The following ZNF33B variants were observed in gnomAD, a reference collection of about 807,000 sequenced individuals.
ZNF33B encodes the protein zinc finger protein 33B, also known as zinc finger protein 11b (KOX 2).
Under a neutral mutation model 45.8 loss-of-function variants are expected in ZNF33B, and 29 were observed. The ratio of observed to expected loss-of-function variants is 0.63; its 90% CI spans 0.47 to 0.86. The LOEUF (loss-of-function observed/expected upper bound fraction) is 0.86. ZNF33B is among the 40% of genes least tolerant of loss of function. ZNF33B has a pLI of 0.00. For missense variants in ZNF33B, 831 were observed against 909.9 expected (o/e 0.91, Z 1.12); for synonymous variants, 305 against 307.8 (o/e 0.99, Z 0.10).
rs569352397 is a variant in ZNF33B, at chr10:42,577,549, G to C, written c.74-2871C>G. Reference sequence around the variant, plus strand: ...TCTCTAACCCTTCACTTCAGAAAAAGCCCCAAGGCTTCTGATTCTCCAGTA... The same window carrying C: ...TCTCTAACCCTTCACTTCAGAAAAACCCCCAAGGCTTCTGATTCTCCAGTA... On this transcript the variant is annotated intron_variant, in intron 1 of 1. Transcript: ENST00000462075. Among the ~76,000 whole-genome samples, 125 of 152,218 alleles carry C rather than the reference G, an allele frequency of 8.2e-4. 1 individual carries two copies. In the Middle Eastern group the frequency reaches 0.024, roughly 29 times the overall value.
rs117859830 is a variant in ZNF33B, at chr10:42,607,606, C to T, written c.251-12907G>A. Among the ~76,000 whole-genome samples, 72 of 151,944 alleles carry T rather than the reference C, an allele frequency of 4.7e-4. No homozygotes were observed. The East Asian group carries it at 0.013, about 27-fold the overall frequency. On this transcript the variant is annotated intron_variant, in intron 4 of 4. Transcript: ENST00000359467. ...ATAGAGTATCAAAAAAGCACGAGAC[C>T]GAAAACAAAAATGGCAGAGGTAAAT...
At chr10:42,617,088 TTCTC>T (rs1838356294) in intron 4 of ZNF33B, among the ~76,000 whole-genome samples, 1 of 145,072 alleles carries the variant, frequency 6.9e-6, no homozygotes, top group African/African-American at 2.5e-5. Flanking sequence ...TGTTCATTTT[TTCTC>T]TTTTTTTTTT....
intron 1 of ZNF33B, among the ~76,000 whole-genome samples, chr10:42,576,065 A>G (rs523426): frequency 6.6e-6 from 1 of 151,022 alleles, no homozygotes; most frequent in African/African-American, 2.4e-5. Flanking sequence ...TAATTTTTGT[A>G]TTTTTAGTAG....
intron 1 of ZNF33B, among the ~76,000 whole-genome samples, chr10:42,638,112 C>T (rs1839414861): frequency 1.3e-5 from 2 of 152,344 alleles, no homozygotes; most frequent in South Asian, 4.1e-4. Flanking sequence ...GTCGGGCGGG[C>T]GACTGCACCC....
At chr10:42,584,456 G>T (rs1482774835), downstream of ZNF33B, among the ~76,000 whole-genome samples, 1 of 151,980 alleles carries the variant, frequency 6.6e-6, no homozygotes, top group African/African-American at 2.4e-5. Context: ...GCTCCACAAC[G>T]TGCTCACATG....
At chr10:42,598,815 T>C (rs965805891) in intron 4 of ZNF33B, among the ~76,000 whole-genome samples, 3 of 152,210 alleles carry the variant, frequency 2.0e-5, no homozygotes, top group African/African-American at 7.2e-5. Context: ...GTTTTTGAAT[T>C]TATGTTCATG....
intron 4 of ZNF33B, chr10:42,631,687 A>G: frequency 2.4e-6 from 1 of 416,852 alleles, no homozygotes; most frequent in Non-Finnish European, 4.3e-6. Flanking sequence ...AGGTGGGCAA[A>G]GACTGAACTA....
At chr10:42,609,969 A>G (rs1406272074) in intron 4 of ZNF33B, among the ~76,000 whole-genome samples, 2 of 152,220 alleles carry the variant, frequency 1.3e-5, no homozygotes, top group East Asian at 1.9e-4. Context: ...AAATAATGAA[A>G]GGTACAATGA....
intron 2 of ZNF33B, among the ~76,000 whole-genome samples, chr10:42,636,062 G>T (rs1839287717): frequency 6.6e-6 from 1 of 152,084 alleles, no homozygotes; most frequent in Non-Finnish European, 1.5e-5. Flanking sequence ...CCAGGAGGCA[G>T]AAGTTTCAGT....
At chr10:42,583,165 T>C in intron 1 of ZNF33B, 1 of 783,734 alleles carries the variant, frequency 1.3e-6, no homozygotes, top group Non-Finnish European at 2.3e-6. Flanking sequence ...TTTGAAAATG[T>C]CTGTCTTAGG....
chr10:42,578,300 A>G (rs960480474), intron 1 of ZNF33B, among the ~76,000 whole-genome samples: 1 of 152,216 alleles, frequency 6.6e-6, no homozygotes, highest in Non-Finnish European at 1.5e-5. Flanking sequence ...GAGGGTGGAT[A>G]AGAGGCCTGC....
intron 1 of ZNF33B, chr10:42,574,770 AG>A (rs1205598171): frequency 7.2e-5 from 11 of 152,268 alleles, no homozygotes; most frequent in African/African-American, 2.6e-4. Flanking sequence ...GGAACCTAGA[AG>A]GGGTACAGTG....
chr10:42,623,364 G>T (rs1838674321), intron 4 of ZNF33B, among the ~76,000 whole-genome samples: 1 of 152,132 alleles, frequency 6.6e-6, no homozygotes, highest in South Asian at 2.1e-4. Flanking sequence ...CTACTCCTAG[G>T]TTTATATCCA....
At chr10:42,583,098 G>A (rs777666176) in intron 1 of ZNF33B, 8 of 798,778 alleles carry the variant, frequency 1.0e-5, no homozygotes, top group Non-Finnish European at 1.8e-5. Flanking sequence ...CAAGGTCCAG[G>A]ATCAGTGCAT....
At position 42,592,835 on chromosome 10, in the gene ZNF33B, T is replaced by C. The variant is rs756144962; in HGVS notation, c.2115A>G (p.Lys705=). The C allele has an allele frequency of 6.2e-7, 1 of 1,614,114 alleles. No individual in the cohort carries two copies. Among genetic ancestry groups the C allele is most frequent in the Non-Finnish European group, 8.5e-7 (1 of 1,179,990 alleles). ...CCCTGTGATGTACTGTGAGTGATGA[T>C]TTGTGACTGAAGGATTTCCCACATT... ...CNECGKSFSH[K]SSLTVHHRAH... Residue 705 remains lysine (K), a synonymous_variant, in exon 5 of 5, where the codon AAA becomes AAG. Transcript: ENST00000359467.
Position 42,592,596 on chromosome 10 carries a change from A to T in ZNF33B, c.*17T>A. 1 of 1,602,608 alleles carries T rather than the reference A, an allele frequency of 6.2e-7. No homozygotes were observed. ...TTATGGAGGCTGACTTGTGGCTGGA[A>T]ATTTCTAATATCCAATTCATTCATA... is the stretch of plus-strand genomic sequence containing the variant. On this transcript the variant is annotated 3_prime_UTR_variant, in exon 5 of 5. Coordinates refer to ENST00000359467, the MANE Select transcript of ZNF33B (RefSeq NM_006955.3).
chr10:42,599,006 A>G (rs1180258802), intron 4 of ZNF33B, among the ~76,000 whole-genome samples: 1 of 152,126 alleles, frequency 6.6e-6, no homozygotes, highest in Non-Finnish European at 1.5e-5. Context: ...GCATCTAGGG[A>G]CCTGGGGTTT....
chr10:42,610,979 A>G (rs1838074113), intron 4 of ZNF33B, among the ~76,000 whole-genome samples: 1 of 152,224 alleles, frequency 6.6e-6, no homozygotes, highest in Non-Finnish European at 1.5e-5. Context: ...TTGAGAATTC[A>G]TAAATAAACA....
At chr10:42,615,042 G>A (rs1210106140) in intron 4 of ZNF33B, among the ~76,000 whole-genome samples, 1 of 151,954 alleles carries the variant, frequency 6.6e-6, no homozygotes, top group African/African-American at 2.4e-5. Flanking sequence ...CTACTGGATT[G>A]GTATAATAAA....
Sources: allele counts gnomAD v4.1 joint callset (sites outside exome capture counted in the v4.1 genomes callset), GRCh38; gene constraint gnomAD v4.1.1; transcripts MANE v1.5; gene names NCBI Gene and HGNC (gene_info 2026-07-23, HGNC 2026-07-21).